SEC31A: variants seen among roughly 807,000 people sequenced by gnomAD.
SEC31A encodes the protein SEC31 homolog A, COPII component.
A neutral mutation model predicts 151.0 loss-of-function variants in SEC31A; 70 were observed. The observed-to-expected ratio is 0.46, with a 90% confidence interval of 0.38 to 0.57. The LOEUF is 0.57. SEC31A is among the 20% of genes least tolerant of loss of function. SEC31A has a pLI of 0.00. For missense variants in SEC31A, 1,330 were observed against 1,471.2 expected, an observed-to-expected ratio of 0.90 and a Z score of 1.57; for synonymous variants, 475 against 505.9, an observed-to-expected ratio of 0.94 and a Z score of 0.82.
In SEC31A at chr4:82,864,225, G is replaced by C. The variant is rs530610881; in HGVS notation, c.1434+137C>G. ...AAGTTAGGTTGTATGCTCTTTATAA[G>C]GCTTCTTAATTTCATGATGAATTGC... On this transcript the variant is annotated intron_variant, in intron 11 of 26. Coordinates refer to ENST00000395310, the MANE Select transcript of SEC31A (RefSeq NM_001077207.4). 3.1e-4 allele frequency: 207 copies of C among 659,892 alleles called. 1 individual carries two copies. In the African/African-American group the frequency reaches 3.3e-3, roughly 10 times the overall value. The allele number at this position is 659,892 out of a possible 1,614,324, so 40.9% of individuals were successfully genotyped here. A position where few individuals can be genotyped will look rare whatever the true frequency, so the allele number is the denominator to read the frequency against.
intron 14 of SEC31A, 131 bp downstream of exon 14, chr4:82,861,500 A>G: frequency 5.0e-6 from 3 of 596,200 alleles, no homozygotes; most frequent in Non-Finnish European, 9.2e-6. Flanking sequence ...TCCTATCCTA[A>G]ACATCTCAAA....
chr4:82,883,721 C>T (rs553984457), intron 1 of SEC31A, among the ~76,000 whole-genome samples: 1 of 151,562 alleles, frequency 6.6e-6, no homozygotes, highest in Non-Finnish European at 1.5e-5. Flanking sequence ...CCCAGCTACT[C>T]GGGAGGTTGA....
At chr4:82,871,675 T>G (rs943354253) in intron 7 of SEC31A, 1 of 523,772 alleles carries the variant, frequency 1.9e-6, no homozygotes, top group African/African-American at 1.9e-5. Flanking sequence ...ATAAAATTTT[T>G]ATAAAACTAT....
At position 82,871,876 on chromosome 4, in the gene SEC31A, T is replaced by C. The variant is rs150587041; in HGVS notation, c.782+68A>G. Reference sequence around the variant, plus strand: ...CCTGTGTCCTATGGTGTATTTCTGGTCACGAAAACATCACCGACATGTTCA... The same window carrying C: ...CCTGTGTCCTATGGTGTATTTCTGGCCACGAAAACATCACCGACATGTTCA... On this transcript the variant is annotated intron_variant, in intron 7 of 26. Transcript: ENST00000395310. 5,369 of 1,605,406 alleles carry C rather than the reference T, an allele frequency of 3.3e-3. 26 individuals are homozygous for C. Among genetic ancestry groups the C allele is most frequent in the Middle Eastern group, 0.01 (62 of 6,030 alleles).
At chr4:82,841,444 A>ATATATATATATATATATATG (rs1942931272) in intron 22 of SEC31A, among the ~76,000 whole-genome samples, 2 of 45,982 alleles carry the variant, frequency 4.3e-5, no homozygotes, top group Non-Finnish European at 7.9e-5. Context: ...AAAAAATTTT[A>ATATATATATATATATATATG]TATATATATA....
Position 82,864,379 on chromosome 4 carries a change from C to T in SEC31A, c.1417G>A (p.Val473Met). The T allele has an allele frequency of 1.2e-6, 2 of 1,612,756 alleles. No homozygotes were observed. The highest frequency in any genetic ancestry group is 2.2e-5 in the East Asian group (1 of 44,878). ...AACTTTACCTTCAAAAAGGACCACA[C>T]ATTTTTCTCAAATTCAGTCTGAGAA... ...DASQTEFEKNVWSFLKVNFED... is the reference protein window; with the variant it reads ...DASQTEFEKNMWSFLKVNFED... The change falls in exon 11 of 27, where the codon GTG (valine) becomes ATG (methionine). Residue 473 changes from valine to methionine, a missense_variant. By Grantham distance (21) the Val-to-Met change is conservative. Coordinates refer to ENST00000395310, the MANE Select transcript of SEC31A (RefSeq NM_001077207.4).
In SEC31A at chr4:82,844,369, G is replaced by A. The variant is rs1460694304; in HGVS notation, c.2626+17C>T. ...ATAAATACTGCTCTGAAAGGACTTT[G>A]GGGTCACACTACTTACGCTGTGGCT... On this transcript the variant is annotated intron_variant, in intron 21 of 26. Coordinates refer to ENST00000395310, the MANE Select transcript of SEC31A (RefSeq NM_001077207.4). The A allele has an allele frequency of 6.2e-7, 1 of 1,610,802 alleles. No individual in the cohort carries two copies. The highest frequency in any genetic ancestry group is 1.7e-5 in the Admixed American group (1 of 59,278).
chr4:82,870,046 A>G lies in SEC31A; in HGVS notation c.882+279T>C, dbSNP rs911001686. On this transcript the variant is annotated intron_variant, in intron 8 of 26. Transcript: ENST00000395310. ...CCATAAACCACATGTGAAATAAATC[A>G]AAGTATTTCTGAGTCTAGGTAATAA... Among the ~76,000 whole-genome samples the G allele has an allele frequency of 2.6e-5, 4 of 152,218 alleles. 1 individual carries two copies. The highest frequency in any genetic ancestry group is 5.9e-5 in the Non-Finnish European group (4 of 68,040).
chr4:82,891,378 G>A, upstream of SEC31A: 1 of 607,898 alleles, frequency 1.6e-6, no homozygotes. Flanking sequence ...CCCGGCGATC[G>A]TAGAAACCCT....
intron 16 of SEC31A, among the ~76,000 whole-genome samples, chr4:82,856,395 C>G (rs1263694079): frequency 4.6e-5 from 7 of 151,794 alleles, no homozygotes; most frequent in African/African-American, 1.7e-4. Flanking sequence ...GTGACCCCCC[C>G]ACCTCTGCCT....
chr4:82,819,714 A>C (rs11099554), intron 26 of SEC31A, among the ~76,000 whole-genome samples: 68,782 of 151,948 alleles, frequency 0.45, 18,138 homozygotes, highest in Admixed American at 0.59. Flanking sequence ...GTAGTTTTTT[A>C]CTATGTCATT....
chr4:82,839,491 C>T (rs55925823), intron 22 of SEC31A, among the ~76,000 whole-genome samples: 38,463 of 151,582 alleles, frequency 0.25, 5,473 homozygotes, highest in East Asian at 0.49. Context: ...TTCGCCACAT[C>T]GGCCAGGCTG....
intron 25 of SEC31A, among the ~76,000 whole-genome samples, chr4:82,822,106 A>T (rs1175932373): frequency 6.6e-6 from 1 of 152,232 alleles, no homozygotes; most frequent in Non-Finnish European, 1.5e-5. Context: ...AAATTACATG[A>T]TTAACTTAAT....
intron 11 of SEC31A, 129 bp from the exon 12 acceptor site, chr4:82,863,521 T>C: frequency 1.8e-6 from 1 of 555,644 alleles, no homozygotes; most frequent in South Asian, 2.9e-5. Flanking sequence ...GATTCACTGT[T>C]TGAAGGAATC....
chr4:82,831,548 G>C lies in SEC31A; in HGVS notation c.2969-2490C>G, dbSNP rs149297059. On this transcript the variant is annotated intron_variant, in intron 22 of 26. Transcript: ENST00000395310. ...TCCAACACCCTCTTGAAGTAGCAGG[G>C]AACTGGAGAAATGGGGTGATTTCTA... is the stretch of plus-strand genomic sequence containing the variant. 4.6e-5 allele frequency among the ~76,000 whole-genome samples: 7 copies of C among 152,294 alleles called. No individual in the cohort carries two copies. The East Asian group carries it at 1.2e-3, about 25-fold the overall frequency.
intron 22 of SEC31A, among the ~76,000 whole-genome samples, chr4:82,839,906 G>A (rs913218887): frequency 6.6e-6 from 1 of 152,186 alleles, no homozygotes; most frequent in Non-Finnish European, 1.5e-5. Flanking sequence ...AGGAGAAAAA[G>A]AATATCTATG....
intron 24 of SEC31A, 30 bp downstream of exon 24, chr4:82,827,331 GCCATCTTC>G (rs1253446264): frequency 6.3e-7 from 1 of 1,592,224 alleles, no homozygotes. Flanking sequence ...CTGAAACACA[GCCATCTTC>G]CCATTCCACT....
chr4:82,842,477 ATAAGC>A lies in SEC31A; in HGVS notation c.2627-1_2630del. The A allele has an allele frequency of 6.2e-7, 1 of 1,608,976 alleles. No individual in the cohort carries two copies. Among genetic ancestry groups the A allele is most frequent in the African/African-American group, 1.3e-5 (1 of 74,996 alleles). ...CGAAGGGATACGGCTGGGCTGGTTG[ATAAGC>A]TACACCAAGGAGAAGAAACAGAAAT... On this transcript the variant is annotated splice_acceptor_variant and coding_sequence_variant, in exon 22 of 27. Coordinates refer to ENST00000395310, the MANE Select transcript of SEC31A (RefSeq NM_001077207.4). LOFTEE classifies it high-confidence loss of function.
At chr4:82,862,493 C>A (rs935885375) in intron 13 of SEC31A, 41 bp downstream of exon 13, 4 of 1,555,994 alleles carry the variant, frequency 2.6e-6, no homozygotes, top group Non-Finnish European at 8.9e-7. Flanking sequence ...TATGACCTAG[C>A]CAAAGTTTTA....
Sources: allele counts gnomAD v4.1 joint callset (sites outside exome capture counted in the v4.1 genomes callset), GRCh38; gene constraint gnomAD v4.1.1; transcripts MANE v1.5; gene names NCBI Gene and HGNC (gene_info 2026-07-23, HGNC 2026-07-21).